ZMYM6: variants seen among roughly 807,000 people sequenced by gnomAD.
The protein encoded by ZMYM6 is zinc finger MYM-type protein 6.
Under a neutral mutation model 134.0 loss-of-function variants are expected in ZMYM6, and 90 were observed. The observed-to-expected ratio is 0.67, with a 90% confidence interval of 0.57 to 0.80. The LOEUF is 0.80. Among genes scored for constraint, ZMYM6 ranks in the 30% least tolerant of loss-of-function variants. The pLI is 0.00. For missense variants in ZMYM6, 1,362 were observed against 1,533.9 expected (o/e 0.89, Z 1.87); for synonymous variants, 481 against 524.1 (o/e 0.92, Z 1.12).
chr1:35,016,425 G>A (rs978077169), intron 4 of ZMYM6, among the ~76,000 whole-genome samples: 4 of 152,164 alleles, frequency 2.6e-5, no homozygotes, highest in Admixed American at 6.5e-5. Context: ...GTGGTTCTGT[G>A]AGACTCCTAG....
intron 14 of ZMYM6, among the ~76,000 whole-genome samples, chr1:35,001,252 A>G (rs1181176753): frequency 6.7e-6 from 1 of 149,022 alleles, no homozygotes; most frequent in Non-Finnish European, 1.5e-5. Context: ...CCAAGAAAAG[A>G]TTCTAAAACT....
intron 14 of ZMYM6, among the ~76,000 whole-genome samples, chr1:34,999,083 C>T (rs1054008557): frequency 1.3e-5 from 2 of 152,156 alleles, no homozygotes; most frequent in African/African-American, 2.4e-5. Context: ...GATCATGCCA[C>T]TGCACTCAAG....
At chr1:34,994,561 G>A (rs887485431) in intron 14 of ZMYM6, among the ~76,000 whole-genome samples, 7 of 152,054 alleles carry the variant, frequency 4.6e-5, no homozygotes, top group African/African-American at 1.7e-4. Flanking sequence ...AATTGTATAG[G>A]ATCTGGAAGG....
rs1640615261 is a variant in ZMYM6 at position 34,988,708 on chromosome 1, T to C, written c.2374A>G (p.Lys792Glu). Residue 792 changes from lysine to glutamate, a missense_variant, in exon 16 of 16, where the codon AAA becomes GAA. By Grantham distance (56) the Lys-to-Glu change is moderately conservative. Transcript: ENST00000357182. ...PANLSHHLKT[K>E]HSELENKPVD... ...GGTTTGTTTTCTAATTCTGAATGTT[T>C]TGTCTTCAAATGATGAGAAAGATTT... is the stretch of plus-strand genomic sequence containing the variant. The C allele has an allele frequency of 6.4e-7, 1 of 1,551,130 alleles. No homozygotes were observed. The highest frequency in any genetic ancestry group is 2.4e-5 in the East Asian group (1 of 40,892).
intron 14 of ZMYM6, among the ~76,000 whole-genome samples, chr1:34,995,022 C>A (rs957838511): frequency 1.9e-5 from 2 of 105,816 alleles, no homozygotes; most frequent in Non-Finnish European, 3.1e-5. Context: ...TACTTACATA[C>A]GTATATATAT....
Position 34,987,043 on chromosome 1 carries a change from G to C in ZMYM6, c.*61C>G. ...TCCACATTAGGAAATTATCTTTTAG[G>C]ATACTTATACAAAACTTAACACAGG... On this transcript the variant is annotated 3_prime_UTR_variant, in exon 16 of 16. Coordinates refer to ENST00000357182, the MANE Select transcript of ZMYM6 (RefSeq NM_007167.4). 2 of 1,161,598 alleles carry C rather than the reference G, an allele frequency of 1.7e-6. No homozygotes were observed. Among genetic ancestry groups the C allele is most frequent in the Non-Finnish European group, 2.3e-6 (2 of 870,758 alleles). The allele number at this position is 1,161,598 out of a possible 1,614,324, so 72.0% of individuals were successfully genotyped here.
At chr1:34,994,006 CA>C (rs56728803) in intron 14 of ZMYM6, among the ~76,000 whole-genome samples, 31,893 of 133,202 alleles carry the variant, frequency 0.24, 7,955 homozygotes, top group African/African-American at 0.62. Flanking sequence ...TTTTTTAATC[CA>C]AAAAAAAAAA....
At chr1:35,003,808 T>C (rs1262555628) in intron 14 of ZMYM6, 160 bp downstream of exon 14, 5 of 626,938 alleles carry the variant, frequency 8.0e-6, no homozygotes, top group African/African-American at 3.8e-5. Flanking sequence ...CAAAAGCCTA[T>C]GCCAGTCACT....
Position 34,988,452 on chromosome 1 carries a change from G to A in ZMYM6, c.2630C>T (p.Pro877Leu). ...GTGTTGAATTGTAACATTAGAAAGTGGAATAGTTTTCATTTTGTCTCCAGC... is the reference window on the plus strand; with the variant it reads ...GTGTTGAATTGTAACATTAGAAAGTAGAATAGTTTTCATTTTGTCTCCAGC... ...SSAGDKMKTI[P>L]LSNVTIQHRI... The change falls in exon 16 of 16, where the codon CCA becomes CTA. Residue 877 changes from proline to leucine, a missense_variant. By Grantham distance (98) the Pro-to-Leu change is moderately conservative. Coordinates refer to ENST00000357182, the MANE Select transcript of ZMYM6 (RefSeq NM_007167.4). The A allele has an allele frequency of 6.4e-7, 1 of 1,551,302 alleles. No individual in the cohort carries two copies. The highest frequency in any genetic ancestry group is 8.7e-7 in the Non-Finnish European group (1 of 1,146,862).
At chr1:35,005,712 A>C (rs918993501) in intron 12 of ZMYM6, among the ~76,000 whole-genome samples, 1 of 151,996 alleles carries the variant, frequency 6.6e-6, no homozygotes, top group Admixed American at 6.6e-5. Flanking sequence ...AAACTCCTAG[A>C]CCTAAGCATG....
At chr1:34,993,748 A>C (rs1349727585) in intron 14 of ZMYM6, among the ~76,000 whole-genome samples, 1 of 151,824 alleles carries the variant, frequency 6.6e-6, no homozygotes, top group East Asian at 1.9e-4. Context: ...CAGTGGCATG[A>C]TCTCAGCTCA....
At chr1:35,012,772 A>G (rs1434341815) in intron 6 of ZMYM6, 191 bp from the exon 7 acceptor site, 2 of 985,280 alleles carry the variant, frequency 2.0e-6, no homozygotes, top group South Asian at 9.4e-5. Flanking sequence ...AAACTGAAGA[A>G]AATTAGTAAC....
At chr1:35,026,851 G>A (rs971243711) in intron 2 of ZMYM6, among the ~76,000 whole-genome samples, 3 of 152,154 alleles carry the variant, frequency 2.0e-5, no homozygotes, top group Admixed American at 6.5e-5. Context: ...AGGAATTGGA[G>A]ATTCAGGTCA....
rs1339031388 is a variant in ZMYM6, at chr1:34,988,252, A to G, written c.2830T>C (p.Phe944Leu). Reference protein sequence around the residue: ...DCRDVKEELLFCIEMPTQITG... With the variant: ...DCRDVKEELLLCIEMPTQITG... ...ATTTGAGTAGGCATTTCAATGCAAA[A>G]TAATAATTCTTCTTTTACATCACGA... is the stretch of plus-strand genomic sequence containing the variant. The change falls in exon 16 of 16, where the codon TTT becomes CTT. Residue 944 changes from phenylalanine to leucine, a missense_variant. Physicochemically the swap from Phe to Leu is conservative, Grantham distance 22. Transcript: ENST00000357182. 1.3e-6 allele frequency: 2 copies of G among 1,550,216 alleles called. No homozygotes were observed. Among genetic ancestry groups the G allele is most frequent in the Non-Finnish European group, 1.7e-6 (2 of 1,146,168 alleles).
chr1:35,003,328 T>C (rs1158672075), intron 14 of ZMYM6, among the ~76,000 whole-genome samples: 2 of 152,238 alleles, frequency 1.3e-5, no homozygotes, highest in Admixed American at 6.5e-5. Flanking sequence ...ATGCCATAAT[T>C]TGCAATCAGC....
At chr1:35,020,521 A>C in intron 2 of ZMYM6, 54 bp from the exon 3 acceptor site, 1 of 1,377,760 alleles carries the variant, frequency 7.3e-7, no homozygotes, top group Non-Finnish European at 9.8e-7. Flanking sequence ...GTATGTAAGT[A>C]AACTAGAAAT....
chr1:35,007,487 C>G (rs1641005235), intron 11 of ZMYM6, among the ~76,000 whole-genome samples: 1 of 151,890 alleles, frequency 6.6e-6, no homozygotes, highest in Non-Finnish European at 1.5e-5. Flanking sequence ...ACTTAGAAGG[C>G]TGAGGTAAGA....
intron 12 of ZMYM6, among the ~76,000 whole-genome samples, chr1:35,005,870 C>T (rs949397728): frequency 2.0e-5 from 3 of 152,088 alleles, no homozygotes; most frequent in South Asian, 2.1e-4. Flanking sequence ...AGGGCTAACA[C>T]GAAAGATTAG....
At chr1:35,003,134 T>C (rs1640907511) in intron 14 of ZMYM6, among the ~76,000 whole-genome samples, 1 of 137,768 alleles carries the variant, frequency 7.3e-6, no homozygotes, top group Admixed American at 8.2e-5. Context: ...TGAGCTATGA[T>C]CATGCCACCG....
Sources: allele counts gnomAD v4.1 joint callset (sites outside exome capture counted in the v4.1 genomes callset), GRCh38; gene constraint gnomAD v4.1.1; transcripts MANE v1.5; gene names NCBI Gene and HGNC (gene_info 2026-07-23, HGNC 2026-07-21).